Variants in TMEM255B observed in about 807,000 individuals in gnomAD.
TMEM255B encodes the protein family with sequence similarity 70, member B.
TMEM255B carries 35 observed loss-of-function variants against 34.5 expected under a neutral mutation model. The observed-to-expected ratio is 1.01, with a 90% CI of 0.77 to 1.34. TMEM255B has a LOEUF of 1.34. Among genes scored for constraint, TMEM255B ranks in the 40% most tolerant of loss-of-function variants. TMEM255B has a pLI of 0.00. For missense variants in TMEM255B, 432 were observed against 433.2 expected (o/e 1.00, Z 0.02); for synonymous variants, 206 against 201.2 (o/e 1.02, Z -0.20).
intron 3 of TMEM255B, among the ~76,000 whole-genome samples, chr13:113,790,135 G>A (rs2050805712): frequency 7.6e-6 from 1 of 130,734 alleles, no homozygotes; most frequent in Non-Finnish European, 1.7e-5. Flanking sequence ...TCCTAGTGCT[G>A]GACTGACCGG....
chr13:113,768,614 C>T lies in TMEM255B; in HGVS notation c.190-484C>T, dbSNP rs1355956340. 3.9e-5 allele frequency among the ~76,000 whole-genome samples: 6 copies of T among 152,326 alleles called. No homozygotes were observed. In the East Asian group the frequency reaches 7.7e-4, roughly 20 times the overall value. ...CTAACGGTCTGCCCTGCTCACTCTC[C>T]CGAAGCAGCAACCAGAGTTAGGCCG... On this transcript the variant is annotated intron_variant, in intron 2 of 8. Coordinates refer to ENST00000375353, the MANE Select transcript of TMEM255B (RefSeq NM_182614.4).
rs2138582089 is a variant in TMEM255B, at chr13:113,806,196, A to G, written c.813+1168A>G. ...GGCTCAGGTTTGAGCGGGGCCCGAG[A>G]GCCACGACCTTCTCAGCTCACCTGG... is the stretch of plus-strand genomic sequence containing the variant. On this transcript the variant is annotated intron_variant, in intron 8 of 8. Coordinates refer to ENST00000375353, the MANE Select transcript of TMEM255B (RefSeq NM_182614.4). This position sits in a 1 kb window ranked among gnomAD's most constrained non-coding sequence, Gnocchi z 4.2. 6.6e-6 allele frequency among the ~76,000 whole-genome samples: 1 copy of G among 152,216 alleles called. No homozygotes were observed. Among genetic ancestry groups the G allele is most frequent in the African/African-American group, 2.4e-5 (1 of 41,536 alleles).
chr13:113,807,432 C>T (rs1350817593), intron 8 of TMEM255B, among the ~76,000 whole-genome samples: 43 of 138,152 alleles, frequency 3.1e-4, no homozygotes, highest in African/African-American at 1.1e-3. Flanking sequence ...GGGTGGTCCT[C>T]CCCGTCACAC....
At chr13:113,787,477 A>G (rs1008680911) in intron 3 of TMEM255B, among the ~76,000 whole-genome samples, 1 of 152,172 alleles carries the variant, frequency 6.6e-6, no homozygotes, top group Non-Finnish European at 1.5e-5. Flanking sequence ...GATAGGTGAA[A>G]TGAGCAGGTC....
At chr13:113,807,565 G>A (rs1374282875) in intron 8 of TMEM255B, among the ~76,000 whole-genome samples, 14 of 122,548 alleles carry the variant, frequency 1.1e-4, no homozygotes, top group African/African-American at 3.9e-4. Context: ...CCCGTCACAC[G>A]CAGGCTTACG....
In TMEM255B at chr13:113,816,318, A is replaced by AGGCAAGCAT. The variant is rs1566345864; in HGVS notation, c.*4416_*4417insGCAAGCATG. ...GGTGCAGTCACTGGTCAGGGACACG[A>AGGCAAGCAT]GTTCTTGTGGGAAGAGGAGTGTCCG... On this transcript the variant is annotated 3_prime_UTR_variant, in exon 9 of 9. Coordinates refer to ENST00000375353, the MANE Select transcript of TMEM255B (RefSeq NM_182614.4). The AGGCAAGCAT allele has an allele frequency of 1.8e-5, 2 of 110,758 alleles. No individual in the cohort carries two copies. The highest frequency in any genetic ancestry group is 6.8e-5 in the African/African-American group (2 of 29,206). The allele number at this position is 110,758 out of a possible 1,614,324, so 6.9% of individuals were successfully genotyped here. A position where few individuals can be genotyped will look rare whatever the true frequency, so the allele number is the denominator to read the frequency against.
chr13:113,759,265 T>C lies in TMEM255B; in HGVS notation c.-5T>C, dbSNP rs542839888. The C allele has an allele frequency of 9.5e-4, 1,170 of 1,228,322 alleles. 5 individuals are homozygous for C. In the African/African-American group the frequency reaches 0.016, roughly 17 times the overall value. The allele number at this position is 1,228,322 out of a possible 1,614,324, so 76.1% of individuals were successfully genotyped here. A position where few individuals can be genotyped will look rare whatever the true frequency, so the allele number is the denominator to read the frequency against. On this transcript the variant is annotated 5_prime_UTR_variant, in exon 1 of 9. Transcript: ENST00000375353. ...GGCCCCGGGAGAGCCGGGTGGGGCC[T>C]CGGGATGCAGCCGCCGGTGCCCGGG...
chr13:113,780,552 G>A (rs73584240), intron 3 of TMEM255B, among the ~76,000 whole-genome samples: 26,349 of 152,062 alleles, frequency 0.17, 2,687 homozygotes, highest in African/African-American at 0.28. Context: ...AACATTTTAA[G>A]CAAAATGTCA....
At chr13:113,805,791 T>C (rs9577882) in intron 8 of TMEM255B, among the ~76,000 whole-genome samples, 12,455 of 152,230 alleles carry the variant, frequency 0.082, 582 homozygotes, top group Admixed American at 0.14. Flanking sequence ...GGACGTGCCG[T>C]GTGCCCCCGG....
At chr13:113,798,627 A>G (rs1034519218) in intron 4 of TMEM255B, among the ~76,000 whole-genome samples, 1 of 150,814 alleles carries the variant, frequency 6.6e-6, no homozygotes, top group Admixed American at 6.6e-5. Context: ...TGGATGACAG[A>G]TGGGTGGATG....
At chr13:113,783,433 C>T (rs78748239) in intron 3 of TMEM255B, among the ~76,000 whole-genome samples, 142 of 152,232 alleles carry the variant, frequency 9.3e-4, no homozygotes, top group Middle Eastern at 3.4e-3. Context: ...TCCTTTTCAT[C>T]AGGAGTGAGG....
At chr13:113,788,474 T>C (rs2138552964) in intron 3 of TMEM255B, among the ~76,000 whole-genome samples, 1 of 152,022 alleles carries the variant, frequency 6.6e-6, no homozygotes, top group South Asian at 2.1e-4. Context: ...TTGCACTGCC[T>C]GCGTGGCCTG....
intron 3 of TMEM255B, among the ~76,000 whole-genome samples, chr13:113,788,685 G>T (rs559104751): frequency 6.6e-6 from 1 of 152,078 alleles, no homozygotes. Context: ...TCATCAGCAC[G>T]GTGTCACCGT....
At chr13:113,790,453 G>C (rs369745064) in intron 3 of TMEM255B, among the ~76,000 whole-genome samples, 1 of 69,900 alleles carries the variant, frequency 1.4e-5, no homozygotes, top group Non-Finnish European at 3.0e-5. Flanking sequence ...CATCCTAGCT[G>C]TGGACTGACC....
intron 3 of TMEM255B, among the ~76,000 whole-genome samples, chr13:113,773,766 C>T (rs1194358855): frequency 6.6e-6 from 1 of 152,214 alleles, no homozygotes; most frequent in Non-Finnish European, 1.5e-5. Flanking sequence ...AGCATTTCAG[C>T]CTCAGTTTCT....
At chr13:113,793,253 C>T (rs540875699) in intron 3 of TMEM255B, among the ~76,000 whole-genome samples, 6 of 152,358 alleles carry the variant, frequency 3.9e-5, no homozygotes, top group South Asian at 2.1e-4. Context: ...TCAGGGGTGT[C>T]GGCCAGCTTC....
intron 8 of TMEM255B, among the ~76,000 whole-genome samples, chr13:113,810,329 C>T (rs1351022459): frequency 2.0e-5 from 3 of 152,072 alleles, no homozygotes; most frequent in Admixed American, 6.5e-5. Context: ...TTAGAAGTTC[C>T]CCCTAGAATT....
intron 3 of TMEM255B, among the ~76,000 whole-genome samples, chr13:113,785,887 G>T (rs1182447835): frequency 6.6e-6 from 1 of 152,186 alleles, no homozygotes; most frequent in Non-Finnish European, 1.5e-5. Flanking sequence ...CCCGGAGCCA[G>T]ATGCTTCTCG....
chr13:113,768,269 G>A (rs927441994), intron 2 of TMEM255B: 2 of 467,200 alleles, frequency 4.3e-6, no homozygotes, highest in Admixed American at 2.4e-5. Context: ...ATTTTCGGTG[G>A]GTGTTGCTGA....
Sources: allele counts gnomAD v4.1 joint callset (sites outside exome capture counted in the v4.1 genomes callset), GRCh38; gene constraint gnomAD v4.1.1; non-coding constraint Gnocchi (gnomAD v3.1); transcripts MANE v1.5; gene names NCBI Gene and HGNC (gene_info 2026-07-23, HGNC 2026-07-21).